Variants in PACRG observed in about 807,000 individuals in gnomAD.
PACRG encodes parkin coregulated gene protein.
PACRG carries 29 observed loss-of-function variants against 29.7 expected under a neutral mutation model. The ratio of observed to expected loss-of-function variants is 0.98; its 90% confidence interval spans 0.73 to 1.33. PACRG has a LOEUF of 1.33. Ranked by LOEUF, PACRG falls within the 40% of genes most tolerant of loss-of-function variation. The pLI is 0.00. For missense variants in PACRG, 279 were observed against 316.2 expected, an observed-to-expected ratio of 0.88 and a Z score of 0.89; for synonymous variants, 116 against 118.7, an observed-to-expected ratio of 0.98 and a Z score of 0.15.
At chr6:162,739,993 A>G (rs1447954375) in intron 1 of PACRG, among the ~76,000 whole-genome samples, 2 of 152,110 alleles carry the variant, frequency 1.3e-5, no homozygotes, top group Non-Finnish European at 2.9e-5. Context: ...GATGGGAGGT[A>G]AGGCTTTCTT....
At chr6:162,848,474 A>G (rs1484071515) in intron 2 of PACRG, among the ~76,000 whole-genome samples, 1 of 152,222 alleles carries the variant, frequency 6.6e-6, no homozygotes, top group African/African-American at 2.4e-5. Context: ...ATGAAATCGG[A>G]TCCAGAAATC....
At chr6:163,313,489 T>C (rs1441405566) in intron 4 of PACRG, among the ~76,000 whole-genome samples, 1 of 152,356 alleles carries the variant, frequency 6.6e-6, no homozygotes, top group Admixed American at 6.5e-5. Context: ...GTAATTGTTA[T>C]ATTTATTCTG....
intron 4 of PACRG, among the ~76,000 whole-genome samples, chr6:163,096,706 G>C (rs1480651182): frequency 6.6e-6 from 1 of 152,160 alleles, no homozygotes; most frequent in Non-Finnish European, 1.5e-5. Context: ...ATGAATTGTG[G>C]AATCGAGGGT....
intron 2 of PACRG, among the ~76,000 whole-genome samples, chr6:162,819,667 A>T (rs1787670513): frequency 6.6e-6 from 1 of 152,224 alleles, no homozygotes. Flanking sequence ...GCAGGTGCCC[A>T]GGGATATTTG....
intron 2 of PACRG, among the ~76,000 whole-genome samples, chr6:163,053,293 C>T (rs963351086): frequency 2.6e-5 from 4 of 152,122 alleles, no homozygotes; most frequent in Non-Finnish European, 5.9e-5. Flanking sequence ...GACAGACACA[C>T]ACATACATAT....
At chr6:162,803,181 T>A (rs1464374022) in intron 1 of PACRG, among the ~76,000 whole-genome samples, 3 of 152,114 alleles carry the variant, frequency 2.0e-5, no homozygotes, top group Non-Finnish European at 2.9e-5. Context: ...GTGCTGAGTC[T>A]TGAAGGTGAT....
At chr6:163,169,554 G>A (rs1778970510) in intron 4 of PACRG, among the ~76,000 whole-genome samples, 1 of 152,188 alleles carries the variant, frequency 6.6e-6, no homozygotes, top group Non-Finnish European at 1.5e-5. Flanking sequence ...GTGTGGAACT[G>A]GCCCCACTTC....
intron 4 of PACRG, among the ~76,000 whole-genome samples, chr6:163,095,763 C>G (rs938154000): frequency 5.3e-5 from 8 of 152,162 alleles, no homozygotes; most frequent in African/African-American, 1.9e-4. Flanking sequence ...TAAGGGCCCA[C>G]CCTACTCCAA....
intron 2 of PACRG, among the ~76,000 whole-genome samples, chr6:162,896,920 T>C (rs1263712228): frequency 1.3e-5 from 2 of 152,234 alleles, no homozygotes; most frequent in East Asian, 3.8e-4. Context: ...CTCAGGTTAT[T>C]AGACAACTTA....
intron 4 of PACRG, among the ~76,000 whole-genome samples, chr6:163,117,191 A>T (rs181426025): frequency 1.3e-5 from 2 of 152,350 alleles, no homozygotes; most frequent in East Asian, 3.9e-4. Flanking sequence ...CCTGCAAACC[A>T]TCTAGGAAAG....
At chr6:163,196,911 CAGACAGACTAGACAGAT>C (rs1486359225) in intron 4 of PACRG, among the ~76,000 whole-genome samples, 1 of 142,096 alleles carries the variant, frequency 7.0e-6, no homozygotes, top group Non-Finnish European at 1.5e-5. Context: ...ACAGACTAGA[CAGACAGACTAGACAGAT>C]AGATAGATAG....
intron 2 of PACRG, among the ~76,000 whole-genome samples, chr6:163,012,893 G>C (rs577652443): frequency 6.6e-6 from 1 of 152,178 alleles, no homozygotes; most frequent in South Asian, 2.1e-4. Context: ...AAGCTTTCAC[G>C]GTCTGTGTAA....
chr6:163,135,791 C>T (rs183883218), intron 4 of PACRG, among the ~76,000 whole-genome samples: 467 of 152,294 alleles, frequency 3.1e-3, no homozygotes, highest in Middle Eastern at 0.01. Context: ...CTCGACAAGC[C>T]GGCTGACGCT....
chr6:163,011,875 G>T (rs997702337), intron 2 of PACRG, among the ~76,000 whole-genome samples: 2 of 152,128 alleles, frequency 1.3e-5, no homozygotes, highest in African/African-American at 2.4e-5. Flanking sequence ...AGCCCACACA[G>T]GGTCAGGAGC....
chr6:163,252,344 GC>G (rs1431773912), intron 4 of PACRG, among the ~76,000 whole-genome samples: 1 of 152,248 alleles, frequency 6.6e-6, no homozygotes, highest in Non-Finnish European at 1.5e-5. Flanking sequence ...CGCAGGCCCT[GC>G]CTTCGTGGAG....
At chr6:163,077,110 C>T (rs534601425) in intron 3 of PACRG, among the ~76,000 whole-genome samples, 3 of 152,234 alleles carry the variant, frequency 2.0e-5, no homozygotes, top group South Asian at 2.1e-4. Flanking sequence ...TAAAAACTGT[C>T]GCATAAGACT....
At chr6:162,800,752 T>C (rs1380220781) in intron 1 of PACRG, among the ~76,000 whole-genome samples, 1 of 152,214 alleles carries the variant, frequency 6.6e-6, no homozygotes, top group Non-Finnish European at 1.5e-5. Flanking sequence ...GTGAATGCTC[T>C]GATAATATTG....
chr6:162,879,706 G>C (rs544447396), intron 2 of PACRG, among the ~76,000 whole-genome samples: 2 of 151,944 alleles, frequency 1.3e-5, no homozygotes, highest in South Asian at 4.2e-4. Context: ...CGAGCTGGCC[G>C]TGCAGATAGG....
chr6:162,893,929 T>C (rs1794973225), intron 2 of PACRG, among the ~76,000 whole-genome samples: 1 of 152,200 alleles, frequency 6.6e-6, no homozygotes, highest in Admixed American at 6.5e-5. Flanking sequence ...TCACTCTTAG[T>C]GGCACAATCA....
Sources: gnomAD v4.1 joint callset for allele counts (sites outside exome capture counted in the v4.1 genomes callset) on GRCh38, gnomAD v4.1.1 for gene constraint, MANE v1.5 for transcripts, NCBI Gene and HGNC (gene_info 2026-07-23, HGNC 2026-07-21) for gene names.